MTHFS: variants seen among roughly 807,000 people sequenced by gnomAD.
MTHFS encodes 5-formyltetrahydrofolate cyclo-ligase.
Under a neutral mutation model 12.7 loss-of-function variants are expected in MTHFS, and 7 were observed. The observed-to-expected ratio is 0.55, with a 90% CI of 0.31 to 1.03. The LOEUF (loss-of-function observed/expected upper bound fraction) is 1.03. Ranked by LOEUF, MTHFS falls within the 50% of genes least tolerant of loss-of-function variation. The probability of loss-of-function intolerance (pLI) is 0.05; values close to 1 mark genes in which losing one functional copy is unlikely to be tolerated. For missense variants in MTHFS, 252 were observed against 258.1 expected, an observed-to-expected ratio of 0.98 and a Z score of 0.16; for synonymous variants, 100 against 97.1, an observed-to-expected ratio of 1.03 and a Z score of -0.18.
At chr15:79,857,489 T>C (rs1487375742) in intron 2 of MTHFS, among the ~76,000 whole-genome samples, 2 of 152,238 alleles carry the variant, frequency 1.3e-5, no homozygotes, top group Non-Finnish European at 2.9e-5. Flanking sequence ...TTCTTCAGCT[T>C]GCTCTCTTCT....
chr15:79,871,015 T>A (rs1327804201), intron 2 of MTHFS, among the ~76,000 whole-genome samples: 2 of 152,058 alleles, frequency 1.3e-5, no homozygotes, highest in African/African-American at 2.4e-5. Flanking sequence ...TGGTGGCACA[T>A]GACTGTAATC....
intron 2 of MTHFS, among the ~76,000 whole-genome samples, chr15:79,864,544 C>CAAAAAAAAAA (rs1566990932): frequency 4.2e-5 from 1 of 23,694 alleles, no homozygotes; most frequent in African/African-American, 2.0e-4. Flanking sequence ...GACTCCATCT[C>CAAAAAAAAAA]AACAAAAAAA....
intron 2 of MTHFS, among the ~76,000 whole-genome samples, chr15:79,853,642 C>T (rs1035777937): frequency 1.3e-5 from 2 of 152,198 alleles, no homozygotes; most frequent in African/African-American, 4.8e-5. Context: ...ATGCAGATTT[C>T]CTATCAGCCC....
intron 2 of MTHFS, among the ~76,000 whole-genome samples, chr15:79,875,151 TTATA>T (rs2034169724): frequency 6.6e-6 from 1 of 152,054 alleles, no homozygotes; most frequent in African/African-American, 2.4e-5. Context: ...GTGTAAGAAA[TTATA>T]AAAGTATTAA....
intron 2 of MTHFS, among the ~76,000 whole-genome samples, chr15:79,860,805 T>C (rs2033899047): frequency 6.6e-6 from 1 of 152,212 alleles, no homozygotes; most frequent in African/African-American, 2.4e-5. Flanking sequence ...TTTTTCAATA[T>C]ATTAATGAGG....
chr15:79,852,123 A>G (rs1193600331), intron 2 of MTHFS, among the ~76,000 whole-genome samples: 3 of 152,218 alleles, frequency 2.0e-5, no homozygotes, highest in African/African-American at 7.2e-5. Context: ...CTTCTAAAAC[A>G]TGAAGAAGCT....
intron 2 of MTHFS, among the ~76,000 whole-genome samples, chr15:79,865,256 T>C (rs1345910952): frequency 6.6e-6 from 1 of 152,214 alleles, no homozygotes; most frequent in African/African-American, 2.4e-5. Flanking sequence ...AAATTCAAGA[T>C]AAAGACCTTA....
At chr15:79,879,002 G>A (rs1043203147) in intron 2 of MTHFS, among the ~76,000 whole-genome samples, 4 of 151,930 alleles carry the variant, frequency 2.6e-5, no homozygotes, top group African/African-American at 9.7e-5. Flanking sequence ...GAAACAGACT[G>A]TACTAAATAA....
chr15:79,863,697 C>T (rs112811944), intron 2 of MTHFS, among the ~76,000 whole-genome samples: 3,057 of 152,262 alleles, frequency 0.02, 87 homozygotes, highest in African/African-American at 0.069. Context: ...CTCCCAACAC[C>T]CTCTCTTTCC....
At chr15:79,880,791 C>CAAA (rs200480158) in intron 2 of MTHFS, among the ~76,000 whole-genome samples, 208 of 106,726 alleles carry the variant, frequency 1.9e-3, no homozygotes, top group African/African-American at 3.7e-3. Context: ...AGTAGTAAAG[C>CAAA]AAAAAAAAAA....
At chr15:79,875,430 C>T (rs1439518850) in intron 2 of MTHFS, among the ~76,000 whole-genome samples, 3 of 152,140 alleles carry the variant, frequency 2.0e-5, no homozygotes, top group Non-Finnish European at 4.4e-5. Context: ...TCCAGCAAAG[C>T]TGTCCTTCAA....
At chr15:79,882,816 C>T (rs976824382) in intron 2 of MTHFS, among the ~76,000 whole-genome samples, 1 of 152,232 alleles carries the variant, frequency 6.6e-6, no homozygotes, top group Non-Finnish European at 1.5e-5. Context: ...CTATGGCTTC[C>T]CCAAAACTAG....
chr15:79,896,609 A>G (rs372533277), intron 1 of MTHFS, among the ~76,000 whole-genome samples: 95 of 152,298 alleles, frequency 6.2e-4, no homozygotes, highest in African/African-American at 2.3e-3. Flanking sequence ...CCTCCCAGAG[A>G]TAAATCTGTC....
intron 2 of MTHFS, among the ~76,000 whole-genome samples, chr15:79,887,868 T>C (rs1219285680): frequency 1.3e-5 from 2 of 152,108 alleles, no homozygotes; most frequent in Non-Finnish European, 2.9e-5. Context: ...AAGCCCAAGA[T>C]TGGACAATAC....
intron 2 of MTHFS, among the ~76,000 whole-genome samples, chr15:79,870,187 C>G (rs1042104302): frequency 6.6e-6 from 1 of 152,202 alleles, no homozygotes; most frequent in African/African-American, 2.4e-5. Flanking sequence ...ACCTACAATA[C>G]TAATCACCAC....
chr15:79,845,222 C>T lies in MTHFS; in HGVS notation c.600G>A (p.Ser200=), dbSNP rs150067777. 8.4e-5 allele frequency: 135 copies of T among 1,614,158 alleles called. No homozygotes were observed. Among genetic ancestry groups the T allele is most frequent in the African/African-American group, 7.7e-4 (58 of 75,046 alleles). Residue 200 remains serine, a synonymous_variant, in exon 3 of 3, where the codon TCG becomes TCA. Transcript: ENST00000258874. ...MKVDEVLYED[S]STA ...TAGTAATCCAGATTTAAGCTGTTGA[C>T]GAGTCTTCGTAAAGGACTTCATCTA...
chr15:79,893,459 G>C, intron 1 of MTHFS, among the ~76,000 whole-genome samples: 1 of 151,426 alleles, frequency 6.6e-6, no homozygotes, highest in Non-Finnish European at 1.5e-5. Context: ...AGTACTTTGG[G>C]AGGCCGAGGC....
chr15:79,858,804 ATATTT>A (rs1381124290), intron 2 of MTHFS, among the ~76,000 whole-genome samples: 3 of 152,226 alleles, frequency 2.0e-5, no homozygotes, highest in African/African-American at 4.8e-5. Context: ...ATATCTTCTA[ATATTT>A]TATTTTATCA....
chr15:79,895,784 T>A (rs1487142532), intron 1 of MTHFS, among the ~76,000 whole-genome samples: 1 of 152,188 alleles, frequency 6.6e-6, no homozygotes, highest in Non-Finnish European at 1.5e-5. Flanking sequence ...AAATAACGGA[T>A]AATAGAATAG....
Sources: gnomAD v4.1 joint callset for allele counts (sites outside exome capture counted in the v4.1 genomes callset) on GRCh38, gnomAD v4.1.1 for gene constraint, MANE v1.5 for transcripts, NCBI Gene and HGNC (gene_info 2026-07-23, HGNC 2026-07-21) for gene names.